PLIN1: variants seen among roughly 807,000 people sequenced by gnomAD.
PLIN1 encodes perilipin 1, also known as perilipin-1.
A neutral mutation model predicts 45.8 loss-of-function variants in PLIN1; 37 were observed. The ratio of observed to expected loss-of-function variants is 0.81; its 90% CI spans 0.62 to 1.06. PLIN1 has a LOEUF of 1.06. Among genes scored for constraint, PLIN1 ranks in the 50% least tolerant of loss-of-function variants. PLIN1 has a pLI of 0.00. For synonymous variants in PLIN1, 340 were observed against 309.2 expected (o/e 1.10, Z -1.05); for missense variants, 776 against 716.5 (o/e 1.08, Z -0.95).
rs1261651281 is a variant in PLIN1 at position 89,665,347 on chromosome 15, G to T, written c.*236C>A. 5.6e-6 allele frequency: 2 copies of T among 360,216 alleles called. No individual in the cohort carries two copies. Among genetic ancestry groups the T allele is most frequent in the Non-Finnish European group, 9.9e-6 (2 of 201,620 alleles). 22.3% of individuals were successfully genotyped at this position (360,216 alleles called of 1,614,324 possible). On this transcript the variant is annotated 3_prime_UTR_variant, in exon 9 of 9. Transcript: ENST00000300055. ...CAACCAAGCCATAGAATCAGAGCAGGCTGCGGCTCTGGTGTCCCTTAAAAA... is the reference window on the plus strand; with the variant it reads ...CAACCAAGCCATAGAATCAGAGCAGTCTGCGGCTCTGGTGTCCCTTAAAAA...
At chr15:89,667,434 G>A (rs1228946563) in intron 7 of PLIN1, among the ~76,000 whole-genome samples, 168 bp downstream of exon 7, 1 of 152,234 alleles carries the variant, frequency 6.6e-6, no homozygotes, top group Admixed American at 6.5e-5. Flanking sequence ...CTGAGAGAAT[G>A]ACATGGAAGT....
At chr15:89,677,590 A>G in intron 1 of PLIN1, 87 bp from the exon 2 acceptor site, 1 of 1,114,256 alleles carries the variant, frequency 9.0e-7, no homozygotes, top group Non-Finnish European at 1.4e-6. Context: ...GCCACCAACT[A>G]GGCCCAGGCT....
chr15:89,676,520 T>G (rs780861472), intron 2 of PLIN1: 12 of 152,356 alleles, frequency 7.9e-5, no homozygotes, highest in Admixed American at 3.9e-4. Context: ...GTGCTGGGAT[T>G]ACAGGCGTGA....
intron 8 of PLIN1, among the ~76,000 whole-genome samples, chr15:89,666,637 A>G (rs991350207): frequency 6.6e-6 from 1 of 152,160 alleles, no homozygotes; most frequent in Non-Finnish European, 1.5e-5. Flanking sequence ...AGTTGAGAGC[A>G]AAGGGGTGAA....
rs936824434 is a variant in PLIN1 at position 89,667,121 on chromosome 15, T to C, written c.1024A>G (p.Thr342Ala). Residue 342 changes from threonine (T) to alanine (A), a missense_variant, in exon 8 of 9, where the codon ACC becomes GCC. Thr to Ala is a moderately conservative substitution (Grantham distance 58). Coordinates refer to ENST00000300055, the MANE Select transcript of PLIN1 (RefSeq NM_002666.5). ...ACAGCCGAGATGGTGGTCTGGAGGG[T>C]CTTCTGCAGGGTATGTGCCACACCA... Reference protein sequence around the residue: ...LGGVAHTLQKTLQTTISAVTW... With the variant: ...LGGVAHTLQKALQTTISAVTW... 1.2e-6 allele frequency: 2 copies of C among 1,613,698 alleles called. No individual in the cohort carries two copies. The highest frequency in any genetic ancestry group is 2.2e-5 in the South Asian group (2 of 91,058).
Position 89,671,491 on chromosome 15 carries a change from G to T in PLIN1, c.324C>A (p.Pro108=). Residue 108 remains proline (P), a synonymous_variant, in exon 4 of 9, where the codon CCC becomes CCA. Coordinates refer to ENST00000300055, the MANE Select transcript of PLIN1 (RefSeq NM_002666.5). ...GGTGGGAAGGGCTCACCTTTTCAGG[G>T]GGGTACTGGAGGGCGGGGATCTTTT... ...LEEKIPALQY[P]PEKIASELKD... is the part of the protein sequence containing the mutation. The T allele has an allele frequency of 6.4e-7, 1 of 1,570,132 alleles. No homozygotes were observed. Among genetic ancestry groups the T allele is most frequent in the Non-Finnish European group, 8.6e-7 (1 of 1,156,580 alleles).
At chr15:89,676,264 T>G (rs542473591) in intron 2 of PLIN1, among the ~76,000 whole-genome samples, 26 of 152,114 alleles carry the variant, frequency 1.7e-4, no homozygotes, top group African/African-American at 5.3e-4. Context: ...TTGTTTGTTT[T>G]TTTGAGATGG....
Position 89,677,184 on chromosome 15 carries a change from C to G in PLIN1, c.45+261G>C, listed in dbSNP as rs1567081311. On this transcript the variant is annotated intron_variant, in intron 2 of 8. Transcript: ENST00000300055. ...ACAGTAGTTTCCTTCCTCTCCACTC[C>G]CCCCGTCCCTAAGCCAGGATTTCTG... is the stretch of plus-strand genomic sequence containing the variant. 3.3e-5 allele frequency: 18 copies of G among 553,584 alleles called. No individual in the cohort carries two copies. In the South Asian group the frequency reaches 3.5e-4, roughly 11 times the overall value. 34.3% of individuals were successfully genotyped at this position (553,584 alleles called of 1,614,324 possible).
At chr15:89,678,199 A>G (rs890676556) in intron 1 of PLIN1, among the ~76,000 whole-genome samples, 2 of 151,796 alleles carry the variant, frequency 1.3e-5, no homozygotes, top group African/African-American at 4.8e-5. Context: ...GGCCAAGAAT[A>G]ATGTTTCCTA....
Position 89,670,211 on chromosome 15 carries a change from G to A in PLIN1, c.367C>T (p.Arg123Cys), listed in dbSNP as rs760703980. Residue 123 changes from arginine (R) to cysteine (C), a missense_variant, in exon 5 of 9, where the codon CGC becomes TGC. Coordinates refer to ENST00000300055, the MANE Select transcript of PLIN1 (RefSeq NM_002666.5). ...ASELKDTIST[R>C]LRSARNSISV... ...ATGCTGTTTCTGGCACTGCGGAGGC[G>A]GGTGGAGATGGTGTCCTTCAGCTCA... 1.7e-5 allele frequency: 28 copies of A among 1,613,320 alleles called. No homozygotes were observed. Among genetic ancestry groups the A allele is most frequent in the South Asian group, 6.6e-5 (6 of 90,856 alleles).
intron 4 of PLIN1, among the ~76,000 whole-genome samples, chr15:89,670,510 C>T (rs1964424388): frequency 1.3e-5 from 2 of 152,182 alleles, no homozygotes; most frequent in Non-Finnish European, 1.5e-5. Flanking sequence ...GTGAGGATGA[C>T]CCCAAAGGCT....
chr15:89,673,289 G>T lies in PLIN1; in HGVS notation c.171C>A (p.Ala57=). Residue 57 remains alanine (A), a synonymous_variant, in exon 3 of 9, where the codon GCC becomes GCA. Coordinates refer to ENST00000300055, the MANE Select transcript of PLIN1 (RefSeq NM_002666.5). The part of the protein sequence containing the change: ...AHPLVASVCN[A]YEKGVQSASS... The stretch of plus-strand genomic sequence containing the variant: ...TGGCGCTCTGCACGCCCTTCTCATA[G>T]GCATTGCACACAGAGGCCACCAGGG... 1 of 1,585,624 alleles carries T rather than the reference G, an allele frequency of 6.3e-7. No individual in the cohort carries two copies.
chr15:89,669,795 C>T, intron 5 of PLIN1, 123 bp from the exon 6 acceptor site: 1 of 838,830 alleles, frequency 1.2e-6, no homozygotes, highest in East Asian at 2.9e-5. Flanking sequence ...TGGTGAGTTC[C>T]ACAACTCACT....
rs1964320405 is a variant in PLIN1 at position 89,665,600 on chromosome 15, G to T, written c.1552C>A (p.Leu518Met). ...PILGRTHYSQ[L>M]RKKS The stretch of plus-strand genomic sequence containing the variant: ...GCGGCGACTCAGCTCTTCTTGCGCA[G>T]CTGGCTGTAATGCGTGCGGCCCAGG... Residue 518 changes from leucine (L) to methionine (M), a missense_variant, in exon 9 of 9, where the codon CTG becomes ATG. Coordinates refer to ENST00000300055, the MANE Select transcript of PLIN1 (RefSeq NM_002666.5). 2 of 1,530,694 alleles carry T rather than the reference G, an allele frequency of 1.3e-6. No homozygotes were observed. The highest frequency in any genetic ancestry group is 2.4e-5 in the South Asian group (2 of 83,228). The allele number at this position is 1,530,694 out of a possible 1,614,324, so 94.8% of individuals were successfully genotyped here.
At chr15:89,677,753 CTTT>C (rs766734035) in intron 1 of PLIN1, 1,183 of 389,138 alleles carry the variant, frequency 3.0e-3, no homozygotes, top group South Asian at 4.3e-3. Flanking sequence ...TTCTTTCTTT[CTTT>C]TTTTTTTTTT....
Position 89,667,148 on chromosome 15 carries a change from C to T in PLIN1, c.997G>A (p.Gly333Ser). 3 of 1,613,828 alleles carry T rather than the reference C, an allele frequency of 1.9e-6. No individual in the cohort carries two copies. Among genetic ancestry groups the T allele is most frequent in the Non-Finnish European group, 2.5e-6 (3 of 1,180,004 alleles). Residue 333 changes from glycine to serine, a missense_variant, in exon 8 of 9, where the codon GGT becomes AGT. Physicochemically the swap from Gly to Ser is moderately conservative, Grantham distance 56. Transcript: ENST00000300055. ...TTCTGCAGGGTATGTGCCACACCAC[C>T]CAGGAGGCCTCGAGGGCCTGGCAGG... ...AALPGPRGLL[G>S]GVAHTLQKTL... is the part of the protein sequence containing the mutation.
chr15:89,677,322 G>T, intron 2 of PLIN1, 123 bp downstream of exon 2: 1 of 856,962 alleles, frequency 1.2e-6, no homozygotes, highest in Non-Finnish European at 2.0e-6. Flanking sequence ...AGCCATGGTA[G>T]TCAATGAACT....
At chr15:89,668,684 C>T (rs559509602) in intron 6 of PLIN1, among the ~76,000 whole-genome samples, 3 of 152,248 alleles carry the variant, frequency 2.0e-5, no homozygotes, top group Non-Finnish European at 4.4e-5. Flanking sequence ...GAGGTTCTGC[C>T]CACTGCAGGC....
Position 89,666,006 on chromosome 15 carries a change from C to A in PLIN1, c.1210-64G>T, listed in dbSNP as rs1013839527. On this transcript the variant is annotated intron_variant, in intron 8 of 8. Coordinates refer to ENST00000300055, the MANE Select transcript of PLIN1 (RefSeq NM_002666.5). ...CCTGGGCCCTGCGCCTCTGACCCAC[C>A]GCCCCTTCCCGGGCCCCTCGATTGT... 8 of 1,228,260 alleles carry A rather than the reference C, an allele frequency of 6.5e-6. No individual in the cohort carries two copies. The East Asian group carries it at 2.3e-4, about 35-fold the overall frequency. The allele number at this position is 1,228,260 out of a possible 1,614,324, so 76.1% of individuals were successfully genotyped here.
Sources: allele counts gnomAD v4.1 joint callset (sites outside exome capture counted in the v4.1 genomes callset), GRCh38; gene constraint gnomAD v4.1.1; transcripts MANE v1.5; gene names NCBI Gene and HGNC (gene_info 2026-07-23, HGNC 2026-07-21).